Variants in TAFA2 observed in about 807,000 individuals in gnomAD.
The protein encoded by TAFA2 is TAFA chemokine like family member 2.
In TAFA2, 7 loss-of-function variants were observed where a neutral mutation model predicts 18.8. The observed-to-expected ratio is 0.37, with a 90% confidence interval of 0.21 to 0.70. TAFA2 has a LOEUF of 0.70. TAFA2 is among the 30% of genes least tolerant of loss of function. The pLI, the probability that TAFA2 is intolerant of heterozygous loss-of-function variation, is 0.53. For synonymous variants in TAFA2, 60 were observed against 54.2 expected (o/e 1.11, Z -0.47); for missense variants, 122 against 158.1 (o/e 0.77, Z 1.23).
At chr12:61,773,097 C>T (rs767562772) in intron 2 of TAFA2, among the ~76,000 whole-genome samples, 1 of 151,836 alleles carries the variant, frequency 6.6e-6, no homozygotes, top group Non-Finnish European at 1.5e-5. Flanking sequence ...GAACTCAACT[C>T]ATTTTATGAT....
chr12:62,109,677 T>C (rs1281330216), intron 1 of TAFA2, among the ~76,000 whole-genome samples: 1 of 152,232 alleles, frequency 6.6e-6, no homozygotes, highest in African/African-American at 2.4e-5. Context: ...GTAGTTCTCC[T>C]CAAAGAGGTC....
chr12:61,716,702 ACATT>A (rs1869677863), intron 4 of TAFA2, among the ~76,000 whole-genome samples: 1 of 152,202 alleles, frequency 6.6e-6, no homozygotes, highest in Non-Finnish European at 1.5e-5. Flanking sequence ...TGCATTATGA[ACATT>A]GCAGTCAATT....
At chr12:62,120,850 TTTTA>T (rs530448694) in intron 1 of TAFA2, among the ~76,000 whole-genome samples, 3 of 150,958 alleles carry the variant, frequency 2.0e-5, no homozygotes, top group African/African-American at 4.9e-5. Context: ...TTATTATTTA[TTTTA>T]TTTATTTATT....
rs2136963186 is a variant in TAFA2 at position 62,192,721 on chromosome 12, T to A, written c.-1464A>T. ...ATGGAATGGCAGGGCCGGGCGGCGTTGCCTCGCCTCTCTCTCCCAACAGCC... is the reference window on the plus strand; with the variant it reads ...ATGGAATGGCAGGGCCGGGCGGCGTAGCCTCGCCTCTCTCTCCCAACAGCC... On this transcript the variant is annotated 5_prime_UTR_variant, in exon 1 of 5. Transcript: ENST00000416284. 6.6e-6 allele frequency: 1 copy of A among 152,336 alleles called. No homozygotes were observed. 9.4% of individuals were successfully genotyped at this position (152,336 alleles called of 1,614,324 possible).
chr12:61,842,419 G>C (rs1485339166), intron 2 of TAFA2, among the ~76,000 whole-genome samples: 3 of 151,658 alleles, frequency 2.0e-5, no homozygotes, highest in Non-Finnish European at 4.4e-5. Context: ...GAAAATGTCA[G>C]GTACAAATCC....
intron 1 of TAFA2, among the ~76,000 whole-genome samples, chr12:62,051,374 A>G (rs1031786080): frequency 3.3e-5 from 5 of 152,182 alleles, no homozygotes; most frequent in African/African-American, 1.2e-4. Context: ...TCACAAGTCT[A>G]TAGATCATGC....
intron 2 of TAFA2, 39 bp downstream of exon 2, chr12:61,867,281 C>T (rs1874395386): frequency 7.9e-7 from 1 of 1,268,144 alleles, no homozygotes; most frequent in Non-Finnish European, 1.1e-6. Flanking sequence ...GGGTAGTCAT[C>T]ATCCACATTT....
At chr12:62,117,742 T>C (rs947269079) in intron 1 of TAFA2, among the ~76,000 whole-genome samples, 1 of 152,138 alleles carries the variant, frequency 6.6e-6, no homozygotes, top group Non-Finnish European at 1.5e-5. Flanking sequence ...GTTTTTCTTA[T>C]AACATACAAT....
chr12:61,798,606 T>A (rs1195147211), intron 2 of TAFA2, among the ~76,000 whole-genome samples: 1 of 152,166 alleles, frequency 6.6e-6, no homozygotes, highest in African/African-American at 2.4e-5. Context: ...TCTGTGTCTA[T>A]GAACTTGGCA....
At chr12:62,066,126 CGTGTGT>C (rs3221978) in intron 1 of TAFA2, among the ~76,000 whole-genome samples, 18 of 145,574 alleles carry the variant, frequency 1.2e-4, no homozygotes, top group South Asian at 1.1e-3. Flanking sequence ...CTGAAACAGC[CGTGTGT>C]GTGTGTGTGT....
chr12:61,986,714 A>G (rs188080428), intron 1 of TAFA2, among the ~76,000 whole-genome samples: 2 of 152,272 alleles, frequency 1.3e-5, no homozygotes, highest in East Asian at 3.9e-4. Context: ...CCCTTCTAAC[A>G]GGATTAATTG....
At chr12:62,134,396 C>CCT (rs1870812488) in intron 1 of TAFA2, among the ~76,000 whole-genome samples, 1 of 151,654 alleles carries the variant, frequency 6.6e-6, no homozygotes, top group African/African-American at 2.4e-5. Flanking sequence ...TCTCTCTTTC[C>CCT]CTCTCTCTCT....
At chr12:61,885,496 A>G (rs1426386295) in intron 1 of TAFA2, among the ~76,000 whole-genome samples, 4 of 152,206 alleles carry the variant, frequency 2.6e-5, no homozygotes, top group African/African-American at 9.7e-5. Flanking sequence ...CTGTACAAAC[A>G]TCAAATGTAG....
chr12:62,244,308 C>A (rs948524590), intron 1 of TAFA2, among the ~76,000 whole-genome samples: 2 of 148,574 alleles, frequency 1.3e-5, no homozygotes, highest in African/African-American at 5.0e-5. Flanking sequence ...ATAAATCATG[C>A]CACATATATA....
intron 1 of TAFA2, among the ~76,000 whole-genome samples, chr12:62,159,750 G>T (rs765528030): frequency 5.9e-5 from 9 of 151,986 alleles, no homozygotes; most frequent in African/African-American, 9.7e-5. Flanking sequence ...CTACAAATAT[G>T]GTACAGTGTA....
chr12:61,841,211 C>T (rs1873159885), intron 2 of TAFA2, among the ~76,000 whole-genome samples: 1 of 152,052 alleles, frequency 6.6e-6, no homozygotes, highest in African/African-American at 2.4e-5. Flanking sequence ...GGCAGGACAG[C>T]TGTATTATAT....
chr12:61,827,669 G>A (rs949670785), intron 2 of TAFA2, among the ~76,000 whole-genome samples: 3 of 151,960 alleles, frequency 2.0e-5, no homozygotes, highest in Non-Finnish European at 4.4e-5. Context: ...CATTCTCTTC[G>A]TGAAGAGTCA....
At chr12:61,764,629 C>T (rs144249959) in intron 2 of TAFA2, among the ~76,000 whole-genome samples, 2 of 151,974 alleles carry the variant, frequency 1.3e-5, no homozygotes, top group East Asian at 3.9e-4. Flanking sequence ...GAGATTTCTC[C>T]CAATTCAAAA....
intron 1 of TAFA2, among the ~76,000 whole-genome samples, chr12:61,978,392 TCA>T (rs1030199960): frequency 2.4e-4 from 37 of 152,214 alleles, no homozygotes; most frequent in African/African-American, 8.2e-4. Flanking sequence ...CAAATTAATG[TCA>T]CAATATTTTA....
Sources: gnomAD v4.1 joint callset for allele counts (sites outside exome capture counted in the v4.1 genomes callset) on GRCh38, gnomAD v4.1.1 for gene constraint, MANE v1.5 for transcripts, NCBI Gene and HGNC (gene_info 2026-07-23, HGNC 2026-07-21) for gene names.